BPIFB3: variants seen among roughly 807,000 people sequenced by gnomAD.
BPIFB3 encodes BPI fold-containing family B member 3.
Under a neutral mutation model 53.1 loss-of-function variants are expected in BPIFB3, and 49 were observed. The ratio of observed to expected loss-of-function variants is 0.92; its 90% CI spans 0.73 to 1.17. The LOEUF is 1.17. Ranked by LOEUF, BPIFB3 falls within the 50% of genes most tolerant of loss-of-function variation. BPIFB3 has a pLI of 0.00. For synonymous variants in BPIFB3, 271 were observed against 269.6 expected, an observed-to-expected ratio of 1.01 and a Z score of -0.05; for missense variants, 628 against 592.5, an observed-to-expected ratio of 1.06 and a Z score of -0.62.
chr20:33,055,674 A>C (rs985511045), intron 1 of BPIFB3, 127 bp downstream of exon 2: 1 of 1,384,884 alleles, frequency 7.2e-7, no homozygotes, highest in Non-Finnish European at 9.9e-7. Context: ...TAGAGAGCAC[A>C]TTCTCCTGGG....
At chr20:33,066,913 C>T in intron 9 of BPIFB3, 36 bp downstream of exon 10, 1 of 1,601,626 alleles carries the variant, frequency 6.2e-7, no homozygotes, top group East Asian at 2.2e-5. Flanking sequence ...ATCATTGTAG[C>T]TCTTTCCTGA....
In BPIFB3 at chr20:33,061,914, C is replaced by A. The variant is rs2146384314; in HGVS notation, c.591+83C>A. On this transcript the variant is annotated intron_variant, in intron 5 of 14. Transcript: ENST00000375494. Reference sequence around the variant, plus strand: ...CTCTGGTTTTGGGTGAAGTTTGGCGCCAGGCAGGATTAGGCTGTACTTCCC... The same window carrying A: ...CTCTGGTTTTGGGTGAAGTTTGGCGACAGGCAGGATTAGGCTGTACTTCCC... 3 of 1,515,920 alleles carry A rather than the reference C, an allele frequency of 2.0e-6. No individual in the cohort carries two copies. In the South Asian group the frequency reaches 3.4e-5, roughly 17 times the overall value. The allele number at this position is 1,515,920 out of a possible 1,614,324, so 93.9% of individuals were successfully genotyped here. A position where few individuals can be genotyped will look rare whatever the true frequency, so the allele number is the denominator to read the frequency against.
At chr20:33,064,462 G>T in exon 7 of BPIFB3, 2 of 1,613,948 alleles carry the variant, frequency 1.2e-6, no homozygotes, top group South Asian at 2.2e-5. Context: ...CGCAGGCCTG[G>T]TGTCCCTTGG....
chr20:33,071,622 A>C (rs937667198), intron 12 of BPIFB3, among the ~76,000 whole-genome samples: 1 of 152,076 alleles, frequency 6.6e-6, no homozygotes. Context: ...CCAAGTAATA[A>C]ATTTCCCGAA....
intron 3 of BPIFB3, 71 bp from the exon 5 acceptor site, chr20:33,059,820 G>A (rs1396541291): frequency 2.6e-6 from 4 of 1,563,174 alleles, no homozygotes; most frequent in Non-Finnish European, 3.5e-6. Flanking sequence ...CACTGGCAGG[G>A]CCACCCTGGT....
intron 4 of BPIFB3, 101 bp from the exon 6 acceptor site, chr20:33,061,667 G>T: frequency 8.6e-7 from 1 of 1,159,314 alleles, no homozygotes; most frequent in Non-Finnish European, 1.3e-6. Flanking sequence ...CCAAGAGAAG[G>T]GAGAGGAGAA....
At chr20:33,069,054 G>A (rs934876461) in intron 10 of BPIFB3, 81 bp downstream of exon 11, 155 of 1,467,820 alleles carry the variant, frequency 1.1e-4, no homozygotes, top group Non-Finnish European at 1.3e-4. Context: ...TGGAGGTACC[G>A]TCCCCCTGAT....
chr20:33,057,086 T>C (rs1600535455), intron 2 of BPIFB3, among the ~76,000 whole-genome samples: 1 of 152,236 alleles, frequency 6.6e-6, no homozygotes, highest in East Asian at 1.9e-4. Flanking sequence ...ATGTCTCCTT[T>C]GCTAGATTAT....
At chr20:33,060,372 A>C (rs1254947682) in intron 4 of BPIFB3, among the ~76,000 whole-genome samples, 2 of 151,858 alleles carry the variant, frequency 1.3e-5, no homozygotes, top group African/African-American at 4.8e-5. Context: ...AGCACATGAG[A>C]CCCAACTCTG....
chr20:33,066,287 C>T (rs729865), intron 8 of BPIFB3, among the ~76,000 whole-genome samples: 21,294 of 152,134 alleles, frequency 0.14, 1,650 homozygotes, highest in African/African-American at 0.2. Context: ...GGTGCAGGCT[C>T]AGTGTGACCA....
intron 4 of BPIFB3, among the ~76,000 whole-genome samples, 159 bp downstream of exon 5, chr20:33,060,190 C>A (rs1175531462): frequency 6.6e-6 from 1 of 152,198 alleles, no homozygotes; most frequent in Non-Finnish European, 1.5e-5. Context: ...CACAGACCGA[C>A]AGATTGAGTC....
At chr20:33,067,102 AT>A (rs1450287478) in intron 9 of BPIFB3, among the ~76,000 whole-genome samples, 1 of 152,276 alleles carries the variant, frequency 6.6e-6, no homozygotes, top group Non-Finnish European at 1.5e-5. Context: ...TCAACTGGGC[AT>A]TTATCCTATG....
intron 3 of BPIFB3, 87 bp from the exon 5 acceptor site, chr20:33,059,804 C>G (rs1173579238): frequency 6.5e-7 from 1 of 1,530,508 alleles, no homozygotes; most frequent in Non-Finnish European, 8.8e-7. Context: ...GGCACAGAGC[C>G]TAGGCCACTG....
chr20:33,061,104 G>T (rs1208251526), intron 4 of BPIFB3, among the ~76,000 whole-genome samples: 1 of 152,178 alleles, frequency 6.6e-6, no homozygotes, highest in Non-Finnish European at 1.5e-5. Context: ...TCTGAGCAGT[G>T]GGGGATCATC....
chr20:33,059,894 C>T (rs771503405), exon 4 of BPIFB3: 1 of 1,613,710 alleles, frequency 6.2e-7, no homozygotes, highest in South Asian at 1.1e-5. Context: ...CTTGCAGCCC[C>T]CTTGGTGGCC....
chr20:33,064,036 C>T (rs1980560107), intron 6 of BPIFB3, among the ~76,000 whole-genome samples: 1 of 152,234 alleles, frequency 6.6e-6, no homozygotes, highest in Admixed American at 6.5e-5. Context: ...CAAGGCCCCG[C>T]AGCCACAGCA....
At chr20:33,066,827 C>T (rs762367698) in exon 9 of BPIFB3, 48 of 1,614,050 alleles carry the variant, frequency 3.0e-5, no homozygotes, top group Non-Finnish European at 4.0e-5. Flanking sequence ...GGTCCAGGTT[C>T]CCAGCGATGT....
intron 5 of BPIFB3, among the ~76,000 whole-genome samples, chr20:33,063,380 A>G (rs930874196): frequency 3.9e-5 from 6 of 151,960 alleles, no homozygotes; most frequent in Admixed American, 1.3e-4. Context: ...GGGGTTTTCT[A>G]ATGGGGCTCT....
intron 11 of BPIFB3, 89 bp from the exon 13 acceptor site, chr20:33,071,164 A>G (rs1980868646): frequency 9.1e-7 from 1 of 1,104,488 alleles, no homozygotes; most frequent in African/African-American, 1.8e-5. Context: ...CTGTTTCCTG[A>G]TGATGAGAGC....
Sources: allele counts gnomAD v4.1 joint callset (sites outside exome capture counted in the v4.1 genomes callset), GRCh38; gene constraint gnomAD v4.1.1; transcripts MANE v1.5; gene names NCBI Gene and HGNC (gene_info 2026-07-23, HGNC 2026-07-21).